SH3RF2: variants seen among roughly 807,000 people sequenced by gnomAD.
The protein encoded by SH3RF2 is SH3 domain containing ring finger 2, also known as E3 ubiquitin-protein ligase SH3RF2.
Under a neutral mutation model 59.0 loss-of-function variants are expected in SH3RF2, and 43 were observed. The ratio of observed to expected loss-of-function variants is 0.73; its 90% confidence interval spans 0.57 to 0.94. SH3RF2 has a LOEUF of 0.94. Among genes scored for constraint, SH3RF2 ranks in the 40% least tolerant of loss-of-function variants. SH3RF2 has a pLI of 0.00. For missense variants in SH3RF2, 930 were observed against 940.1 expected (o/e 0.99, Z 0.14); for synonymous variants, 391 against 391.5 (o/e 1.00, Z 0.01).
At chr5:146,014,197 C>G (rs1164520398) in intron 5 of SH3RF2, 136 bp downstream of exon 5, 1 of 832,252 alleles carries the variant, frequency 1.2e-6, no homozygotes, top group Non-Finnish European at 1.9e-6. Context: ...CATATGTATT[C>G]CATGTTAGAA....
intron 2 of SH3RF2, among the ~76,000 whole-genome samples, chr5:145,976,444 A>G (rs1449634883): frequency 1.7e-5 from 2 of 121,002 alleles, no homozygotes; most frequent in South Asian, 2.2e-4. Context: ...ATTAAGAAGG[A>G]AAAAAAAAAA....
At chr5:146,007,894 C>A (rs556135604) in intron 4 of SH3RF2, among the ~76,000 whole-genome samples, 1 of 152,278 alleles carries the variant, frequency 6.6e-6, no homozygotes, top group Non-Finnish European at 1.5e-5. Flanking sequence ...ATTTTGACTC[C>A]AGTCATTTCA....
intron 9 of SH3RF2, among the ~76,000 whole-genome samples, chr5:146,076,000 A>G (rs1763336836): frequency 6.6e-6 from 1 of 152,092 alleles, no homozygotes; most frequent in Non-Finnish European, 1.5e-5. Context: ...TGCCTAGGAA[A>G]AGTCACACCT....
chr5:145,937,386 G>A (rs1561698100), intron 1 of SH3RF2, among the ~76,000 whole-genome samples: 1 of 152,192 alleles, frequency 6.6e-6, no homozygotes, highest in Non-Finnish European at 1.5e-5. Context: ...ATGTGGTGCA[G>A]ATAATAGATA....
intron 2 of SH3RF2, among the ~76,000 whole-genome samples, chr5:145,962,806 T>C (rs1398584769): frequency 1.3e-5 from 2 of 151,816 alleles, no homozygotes; most frequent in African/African-American, 4.8e-5. Context: ...GTAACACCTA[T>C]CTCCCTTTAA....
exon 10 of SH3RF2, chr5:146,079,042 T>TC (rs888356307): frequency 2.6e-5 from 4 of 152,200 alleles, no homozygotes; most frequent in East Asian, 1.9e-4. Flanking sequence ...TTCTGTCTTT[T>TC]CCCCGATACC....
chr5:145,996,037 A>G (rs1263343913), intron 2 of SH3RF2, among the ~76,000 whole-genome samples: 1 of 152,156 alleles, frequency 6.6e-6, no homozygotes, highest in Non-Finnish European at 1.5e-5. Flanking sequence ...TTTCCTGGGG[A>G]TGAGCTGTGT....
intron 4 of SH3RF2, among the ~76,000 whole-genome samples, chr5:146,012,406 T>C (rs1199441916): frequency 6.6e-6 from 1 of 152,238 alleles, no homozygotes; most frequent in African/African-American, 2.4e-5. Context: ...TTCCCTCTTA[T>C]TCTATTGATT....
chr5:146,024,720 T>A (rs1424623635), intron 5 of SH3RF2, among the ~76,000 whole-genome samples: 1 of 152,216 alleles, frequency 6.6e-6, no homozygotes, highest in East Asian at 1.9e-4. Context: ...CTGGAGTTAA[T>A]TTCTATGTAT....
chr5:146,045,754 G>A (rs11740577), intron 5 of SH3RF2, among the ~76,000 whole-genome samples: 43,077 of 152,084 alleles, frequency 0.28, 7,725 homozygotes, highest in Non-Finnish European at 0.38. Flanking sequence ...GTTGTTTCCC[G>A]CTTTGGGTTA....
intron 2 of SH3RF2, among the ~76,000 whole-genome samples, chr5:145,989,712 G>A (rs937423490): frequency 6.6e-6 from 1 of 152,130 alleles, no homozygotes; most frequent in Non-Finnish European, 1.5e-5. Context: ...GAGAGAACCA[G>A]GCCAACCTTT....
intron 2 of SH3RF2, among the ~76,000 whole-genome samples, chr5:145,966,595 C>T (rs185241654): frequency 1.3e-5 from 2 of 152,308 alleles, no homozygotes; most frequent in East Asian, 3.9e-4. Flanking sequence ...AATACACATT[C>T]TATATCCAGC....
chr5:145,941,932 C>T lies in SH3RF2; in HGVS notation c.378+3626C>T, dbSNP rs562328861. 1.3e-3 allele frequency among the ~76,000 whole-genome samples: 194 copies of T among 152,302 alleles called. 4 individuals are homozygous for T. The highest frequency in any genetic ancestry group is 4.5e-3 in the African/African-American group (187 of 41,560). On this transcript the variant is annotated intron_variant, in intron 2 of 9. Coordinates refer to ENST00000359120, the MANE Select transcript of SH3RF2 (RefSeq NM_152550.4). ...TGTTGAAGTGACTCAATACTTTCTA[C>T]TCTAAATTACACACACCCTTTCAGC...
chr5:145,961,598 G>C (rs906175398), intron 2 of SH3RF2, among the ~76,000 whole-genome samples: 1 of 152,110 alleles, frequency 6.6e-6, no homozygotes, highest in African/African-American at 2.4e-5. Flanking sequence ...GCAGCCACCT[G>C]GCCATGTTCT....
chr5:146,011,107 G>A (rs1760872792), intron 4 of SH3RF2, among the ~76,000 whole-genome samples: 1 of 152,164 alleles, frequency 6.6e-6, no homozygotes, highest in Non-Finnish European at 1.5e-5. Flanking sequence ...TGGCTAGCCA[G>A]TTTTCCCAGC....
At chr5:145,994,983 C>G (rs979785743) in intron 2 of SH3RF2, among the ~76,000 whole-genome samples, 1 of 143,024 alleles carries the variant, frequency 7.0e-6, no homozygotes, top group African/African-American at 2.5e-5. Flanking sequence ...CTTTCCTTTT[C>G]TCTTTTCTGT....
chr5:145,953,577 T>C (rs913538809), intron 2 of SH3RF2, among the ~76,000 whole-genome samples: 2 of 152,170 alleles, frequency 1.3e-5, no homozygotes, highest in African/African-American at 4.8e-5. Context: ...TTATTTTAGG[T>C]TCAGGGGTAC....
chr5:146,075,082 C>A lies in SH3RF2; in HGVS notation c.*34-3378C>A, dbSNP rs550468506. Among the ~76,000 whole-genome samples the A allele has an allele frequency of 1.4e-4, 21 of 152,294 alleles. No homozygotes were observed. In the South Asian group the frequency reaches 4.1e-3, roughly 30 times the overall value. On this transcript the variant is annotated intron_variant, in intron 9 of 9. Coordinates refer to the SH3RF2 transcript ENST00000511217. ...GGAATGTAAAGTTTAAAGAACTCAACTTAGGAAACTGAGACAGGTTTTTAG... is the reference window on the plus strand; with the variant it reads ...GGAATGTAAAGTTTAAAGAACTCAAATTAGGAAACTGAGACAGGTTTTTAG...
Position 146,058,304 on chromosome 5 carries a change from T to C in SH3RF2, c.1556-1562T>C, listed in dbSNP as rs144775823. On this transcript the variant is annotated intron_variant, in intron 8 of 9. Transcript: ENST00000359120. ...TTTGACTTCCCAGGTCCGGGAGGCT[T>C]TCTCTTTCTCTCTTTTCCCAAGGTG... Among the ~76,000 whole-genome samples, 666 of 152,316 alleles carry C rather than the reference T, an allele frequency of 4.4e-3. 5 individuals carry two copies. The highest frequency in any genetic ancestry group is 0.015 in the African/African-American group (642 of 41,568).
Sources: allele counts gnomAD v4.1 joint callset (sites outside exome capture counted in the v4.1 genomes callset), GRCh38; gene constraint gnomAD v4.1.1; transcripts MANE v1.5; gene names NCBI Gene and HGNC (gene_info 2026-07-23, HGNC 2026-07-21).